CRHR1: variants seen among roughly 807,000 people sequenced by gnomAD.
CRHR1 encodes the protein corticotropin releasing hormone receptor 1.
CRHR1 carries 28 observed loss-of-function variants against 56.0 expected under a neutral mutation model. The ratio of observed to expected loss-of-function variants is 0.50; its 90% CI spans 0.37 to 0.69. The LOEUF (loss-of-function observed/expected upper bound fraction) is 0.69. CRHR1 is among the 30% of genes least tolerant of loss of function. The pLI is 0.00. For synonymous variants in CRHR1, 195 were observed against 216.5 expected, an observed-to-expected ratio of 0.90 and a Z score of 0.87; for missense variants, 376 against 548.0, an observed-to-expected ratio of 0.69 and a Z score of 3.13.
chr17:45,824,179 G>A (rs373745844), intron 4 of CRHR1, among the ~76,000 whole-genome samples: 19 of 152,176 alleles, frequency 1.2e-4, no homozygotes, highest in Admixed American at 3.9e-4. Flanking sequence ...GGGCAAGACC[G>A]TTCAGGGATG....
chr17:45,801,951 C>G (rs2061630952), intron 1 of CRHR1, among the ~76,000 whole-genome samples: 1 of 151,964 alleles, frequency 6.6e-6, no homozygotes. Flanking sequence ...CACACACCAA[C>G]TGCATTTATT....
chr17:45,806,375 C>G (rs532893938), intron 1 of CRHR1, among the ~76,000 whole-genome samples: 1 of 152,350 alleles, frequency 6.6e-6, no homozygotes, highest in South Asian at 2.1e-4. Context: ...GCCTCAGTTT[C>G]CTCATCTGCA....
At chr17:45,817,215 G>C (rs1183357993) in intron 3 of CRHR1, among the ~76,000 whole-genome samples, 1 of 152,192 alleles carries the variant, frequency 6.6e-6, no homozygotes, top group Non-Finnish European at 1.5e-5. Context: ...GGGCTTTGCA[G>C]CTCCCTGCTA....
rs372713561 is a variant in CRHR1 at position 45,804,953 on chromosome 17, T to C, written c.34-2057T>C. On this transcript the variant is annotated intron_variant, in intron 1 of 12. Coordinates refer to ENST00000314537, the MANE Select transcript of CRHR1 (RefSeq NM_004382.5). The stretch of plus-strand genomic sequence containing the variant: ...CCTCAGCCTCCCGAATAGCTGGGAT[T>C]ACAGGTGCCTGCCACCATACCTGGC... Among the ~76,000 whole-genome samples, 26 of 152,188 alleles carry C rather than the reference T, an allele frequency of 1.7e-4. No individual in the cohort carries two copies. The East Asian group carries it at 3.1e-3, about 18-fold the overall frequency.
chr17:45,829,108 C>A (rs149789932), intron 4 of CRHR1, 107 bp from the exon 5 acceptor site: 1 of 794,134 alleles, frequency 1.3e-6, no homozygotes. Flanking sequence ...GGGGGAGTGG[C>A]CCTTGAGATC....
chr17:45,808,533 C>T (rs531542569), intron 2 of CRHR1, among the ~76,000 whole-genome samples: 3 of 152,316 alleles, frequency 2.0e-5, no homozygotes, highest in South Asian at 2.1e-4. Context: ...GGGGCTGTTA[C>T]CTGCCCCAAG....
chr17:45,834,577 G>T, intron 12 of CRHR1, 47 bp from the exon 13 acceptor site: 2 of 1,567,700 alleles, frequency 1.3e-6, no homozygotes, highest in Non-Finnish European at 1.7e-6. Context: ...GAGGGAGGGG[G>T]TCCTGAGCCA....
At chr17:45,830,646 C>T (rs1377504081) in intron 7 of CRHR1, 76 bp downstream of exon 7, 23 of 1,516,846 alleles carry the variant, frequency 1.5e-5, no homozygotes, top group East Asian at 2.3e-5. Flanking sequence ...CTCAGGCCAG[C>T]GGGCTGGGGG....
intron 6 of CRHR1, 92 bp downstream of exon 6, chr17:45,830,306 CA>C: frequency 6.3e-7 from 1 of 1,594,840 alleles, no homozygotes; most frequent in South Asian, 1.1e-5. Flanking sequence ...GCCCACAGAA[CA>C]GGAGTGGGAT....
At chr17:45,790,796 T>C (rs1356273481) in intron 1 of CRHR1, among the ~76,000 whole-genome samples, 1 of 152,248 alleles carries the variant, frequency 6.6e-6, no homozygotes, top group Non-Finnish European at 1.5e-5. Context: ...GGGCTTGTTC[T>C]AGACTGACCG....
chr17:45,817,680 C>T (rs1238090507), intron 3 of CRHR1, among the ~76,000 whole-genome samples: 1 of 152,202 alleles, frequency 6.6e-6, no homozygotes, highest in Non-Finnish European at 1.5e-5. Context: ...AAAGTGACTC[C>T]CCAGGGAGTG....
intron 1 of CRHR1, among the ~76,000 whole-genome samples, chr17:45,788,141 C>T (rs1380253692): frequency 6.6e-6 from 1 of 152,362 alleles, no homozygotes; most frequent in East Asian, 1.9e-4. Flanking sequence ...GGTGCCACCA[C>T]CCCAAGTGCC....
intron 1 of CRHR1, among the ~76,000 whole-genome samples, chr17:45,793,748 A>G (rs2061468177): frequency 6.6e-6 from 1 of 152,150 alleles, no homozygotes; most frequent in South Asian, 2.1e-4. Context: ...AGGAAGGACC[A>G]CTGTCCCTAA....
At chr17:45,823,913 T>G (rs2062101216) in intron 4 of CRHR1, among the ~76,000 whole-genome samples, 1 of 152,226 alleles carries the variant, frequency 6.6e-6, no homozygotes, top group Non-Finnish European at 1.5e-5. Context: ...AGGGGCTGCC[T>G]GGCATCTCAG....
At chr17:45,790,338 G>A (rs867578458) in intron 1 of CRHR1, among the ~76,000 whole-genome samples, 2 of 152,298 alleles carry the variant, frequency 1.3e-5, no homozygotes, top group Middle Eastern at 3.4e-3. Flanking sequence ...TGTGGTATCC[G>A]CTTCCACAAA....
intron 1 of CRHR1, among the ~76,000 whole-genome samples, chr17:45,793,524 G>A (rs1458473902): frequency 1.3e-5 from 2 of 152,212 alleles, no homozygotes; most frequent in South Asian, 2.1e-4. Flanking sequence ...AGGCAGGGGC[G>A]CCAAGAGCAC....
chr17:45,832,094 T>A (rs866768016), intron 8 of CRHR1, among the ~76,000 whole-genome samples: 11 of 133,834 alleles, frequency 8.2e-5, no homozygotes, highest in South Asian at 2.2e-4. Context: ...TAGCTGGGTG[T>A]GGTGGTGCGC....
At position 45,825,583 on chromosome 17, in the gene CRHR1, C is replaced by T. The variant is rs748238321; in HGVS notation, c.328-3632C>T. The T allele has an allele frequency of 3.2e-5, 5 of 154,528 alleles. No homozygotes were observed. In the Middle Eastern group the frequency reaches 1.5e-3, roughly 48 times the overall value. The allele number at this position is 154,528 out of a possible 1,614,324, so 9.6% of individuals were successfully genotyped here. ...TTGTGGACCAAGGTTCACTGCTCAC[C>T]GTGTGGGGAGAGGTGAGTGGTGGTT... On this transcript the variant is annotated intron_variant, in intron 4 of 12. Coordinates refer to ENST00000314537, the MANE Select transcript of CRHR1 (RefSeq NM_004382.5).
At chr17:45,804,466 G>A (rs1194803187) in intron 1 of CRHR1, among the ~76,000 whole-genome samples, 1 of 152,136 alleles carries the variant, frequency 6.6e-6, no homozygotes, top group Non-Finnish European at 1.5e-5. Flanking sequence ...AATGTGGGTG[G>A]GAGAGAGGGG....
Sources: allele counts gnomAD v4.1 joint callset (sites outside exome capture counted in the v4.1 genomes callset), GRCh38; gene constraint gnomAD v4.1.1; transcripts MANE v1.5; gene names NCBI Gene and HGNC (gene_info 2026-07-23, HGNC 2026-07-21).